The following ZNF407 variants were observed in gnomAD, a reference collection of about 807,000 sequenced individuals.
ZNF407 encodes zinc finger protein 407.
In ZNF407, 17 loss-of-function variants were observed where a neutral mutation model predicts 131.2. The observed-to-expected ratio is 0.13, with a 90% CI of 0.09 to 0.19. The LOEUF is 0.19. ZNF407 is among the 10% of genes least tolerant of loss of function. ZNF407 has a pLI of 1.00. For synonymous variants in ZNF407, 1,156 were observed against 1,062.0 expected, an observed-to-expected ratio of 1.09 and a Z score of -1.72; for missense variants, 2,681 against 2,830.6, an observed-to-expected ratio of 0.95 and a Z score of 1.20.
chr18:75,018,140 AAC>A (rs1196805755), intron 8 of ZNF407, among the ~76,000 whole-genome samples: 7 of 152,182 alleles, frequency 4.6e-5, no homozygotes, highest in Non-Finnish European at 7.4e-5. Flanking sequence ...AAAAATTTGT[AAC>A]ACAGTGTTAA....
intron 4 of ZNF407, among the ~76,000 whole-genome samples, chr18:74,808,503 T>G (rs1970147222): frequency 2.0e-5 from 3 of 152,254 alleles, no homozygotes; most frequent in Non-Finnish European, 4.4e-5. Context: ...ACTTTAAAAT[T>G]TTTAAATTTC....
At chr18:74,844,173 T>C (rs1221386493) in intron 4 of ZNF407, among the ~76,000 whole-genome samples, 1 of 152,100 alleles carries the variant, frequency 6.6e-6, no homozygotes, top group African/African-American at 2.4e-5. Flanking sequence ...TGAGTCTTTT[T>C]CCCTCCTTGG....
At position 74,663,722 on chromosome 18, in the gene ZNF407, A is replaced by G. The variant is rs371157386; in HGVS notation, c.4802+22600A>G. Among the ~76,000 whole-genome samples the G allele has an allele frequency of 3.3e-5, 5 of 152,230 alleles. No individual in the cohort carries two copies. The East Asian group carries it at 5.8e-4, about 18-fold the overall frequency. On this transcript the variant is annotated intron_variant, in intron 3 of 8. Coordinates refer to ENST00000299687, the MANE Select transcript of ZNF407 (RefSeq NM_017757.3). Reference sequence around the variant, plus strand: ...ACTTCAGCTAATTAGAGACCGTACCAAGAAGGTGACAAGATGCTGGAAGAA... The same window carrying G: ...ACTTCAGCTAATTAGAGACCGTACCGAGAAGGTGACAAGATGCTGGAAGAA...
chr18:74,824,767 C>T (rs540073606), intron 4 of ZNF407, among the ~76,000 whole-genome samples: 2 of 152,282 alleles, frequency 1.3e-5, no homozygotes, highest in Admixed American at 1.3e-4. Flanking sequence ...GATTCACAGC[C>T]GAATTCTACC....
chr18:74,958,618 A>T (rs1246567235), intron 8 of ZNF407, among the ~76,000 whole-genome samples: 1 of 152,190 alleles, frequency 6.6e-6, no homozygotes, highest in African/African-American at 2.4e-5. Flanking sequence ...CTGAGACACA[A>T]GCTATGCAGG....
At chr18:74,874,617 T>C (rs934554548) in intron 4 of ZNF407, among the ~76,000 whole-genome samples, 1 of 152,194 alleles carries the variant, frequency 6.6e-6, no homozygotes, top group African/African-American at 2.4e-5. Flanking sequence ...CCCTCCCAGC[T>C]AGCTCTGCAT....
intron 3 of ZNF407, among the ~76,000 whole-genome samples, chr18:74,672,313 CT>C (rs929915235): frequency 6.6e-6 from 1 of 152,008 alleles, no homozygotes; most frequent in African/African-American, 2.4e-5. Flanking sequence ...TGATACTGAG[CT>C]TTTTTTTAAC....
intron 6 of ZNF407, among the ~76,000 whole-genome samples, chr18:74,887,576 C>T (rs1324022889): frequency 2.6e-5 from 4 of 152,028 alleles, no homozygotes; most frequent in African/African-American, 9.7e-5. Context: ...GCTAGCTGTT[C>T]ATCTTTTTCC....
chr18:74,688,428 G>T (rs527434213), intron 3 of ZNF407, among the ~76,000 whole-genome samples: 1 of 152,320 alleles, frequency 6.6e-6, no homozygotes, highest in South Asian at 2.1e-4. Context: ...TGACTTGACA[G>T]TAACTTTGTT....
At chr18:74,638,813 C>A (rs1984578723) in intron 2 of ZNF407, among the ~76,000 whole-genome samples, 1 of 152,086 alleles carries the variant, frequency 6.6e-6, no homozygotes, top group Admixed American at 6.6e-5. Context: ...TGCAATTTTA[C>A]AATTTTGTCT....
intron 3 of ZNF407, among the ~76,000 whole-genome samples, chr18:74,688,556 T>C (rs1348282586): frequency 1.3e-5 from 2 of 152,200 alleles, no homozygotes; most frequent in African/African-American, 4.8e-5. Context: ...CTTACCAGTT[T>C]TGTTTTATGG....
intron 3 of ZNF407, among the ~76,000 whole-genome samples, chr18:74,732,210 CTT>C (rs917514351): frequency 6.6e-6 from 1 of 152,088 alleles, no homozygotes; most frequent in African/African-American, 2.4e-5. Context: ...GAACGTCAGA[CTT>C]TTAAAAATTC....
rs531413116 is a variant in ZNF407 at position 74,702,007 on chromosome 18, G to A, written c.4802+60885G>A. Among the ~76,000 whole-genome samples, 6 of 152,284 alleles carry A rather than the reference G, an allele frequency of 3.9e-5. No homozygotes were observed. The East Asian group carries it at 9.6e-4, about 24-fold the overall frequency. ...GTATGCACATAGTGCTCTGTGGGGT[G>A]CCATTTCAGCTACCATTATTATACT... is the stretch of plus-strand genomic sequence containing the variant. On this transcript the variant is annotated intron_variant, in intron 3 of 8. Coordinates refer to ENST00000299687, the MANE Select transcript of ZNF407 (RefSeq NM_017757.3).
At chr18:74,860,355 GACC>G (rs1970920483) in intron 4 of ZNF407, among the ~76,000 whole-genome samples, 1 of 151,968 alleles carries the variant, frequency 6.6e-6, no homozygotes, top group African/African-American at 2.4e-5. Context: ...CCATCACCCA[GACC>G]ACTTTGAATG....
intron 7 of ZNF407, among the ~76,000 whole-genome samples, chr18:74,895,808 A>G (rs1568259490): frequency 1.3e-5 from 2 of 152,162 alleles, no homozygotes; most frequent in African/African-American, 4.8e-5. Context: ...CTGTTCTGCC[A>G]CTTGTTTCAG....
chr18:74,681,252 A>G (rs1039261656), intron 3 of ZNF407, among the ~76,000 whole-genome samples: 2 of 151,822 alleles, frequency 1.3e-5, no homozygotes, highest in African/African-American at 4.8e-5. Flanking sequence ...TTTATTTTAA[A>G]TGAGATAGTG....
At chr18:74,721,356 C>T (rs1443829223) in intron 3 of ZNF407, among the ~76,000 whole-genome samples, 2 of 152,102 alleles carry the variant, frequency 1.3e-5, no homozygotes, top group Non-Finnish European at 2.9e-5. Flanking sequence ...CCACTCTTAC[C>T]TCCCATATTC....
chr18:74,836,469 G>A (rs936305431), intron 4 of ZNF407, among the ~76,000 whole-genome samples: 10 of 152,148 alleles, frequency 6.6e-5, no homozygotes, highest in East Asian at 3.9e-4. Flanking sequence ...TGCCCTTCCC[G>A]AGTGAGCCCT....
chr18:74,878,588 T>G (rs1276651559), intron 5 of ZNF407, among the ~76,000 whole-genome samples: 1 of 152,134 alleles, frequency 6.6e-6, no homozygotes, highest in Non-Finnish European at 1.5e-5. Context: ...TTTTTGTTGT[T>G]AGGTCTTGTA....
Sources: gnomAD v4.1 joint callset for allele counts (sites outside exome capture counted in the v4.1 genomes callset) on GRCh38, gnomAD v4.1.1 for gene constraint, MANE v1.5 for transcripts, NCBI Gene and HGNC (gene_info 2026-07-23, HGNC 2026-07-21) for gene names.